GSK3B: variants seen among roughly 807,000 people sequenced by gnomAD.
GSK3B encodes glycogen synthase kinase-3 beta.
Under a neutral mutation model 56.4 loss-of-function variants are expected in GSK3B, and 15 were observed. The ratio of observed to expected loss-of-function variants is 0.27; its 90% CI spans 0.18 to 0.41. The LOEUF is 0.41. Ranked by LOEUF, GSK3B falls within the 10% of genes least tolerant of loss-of-function variation. GSK3B has a pLI of 1.00. For missense variants in GSK3B, 300 were observed against 513.4 expected (o/e 0.58, Z 4.02); for synonymous variants, 181 against 188.9 (o/e 0.96, Z 0.34).
chr3:120,000,472 G>A (rs2057664866), intron 2 of GSK3B, among the ~76,000 whole-genome samples: 1 of 152,178 alleles, frequency 6.6e-6, no homozygotes, highest in Non-Finnish European at 1.5e-5. Context: ...ATTTACAGCA[G>A]ATGGACACTA....
intron 1 of GSK3B, among the ~76,000 whole-genome samples, chr3:120,053,367 A>G (rs1162101831): frequency 6.6e-6 from 1 of 152,144 alleles, no homozygotes; most frequent in African/African-American, 2.4e-5. Flanking sequence ...TCTATCACAG[A>G]GTACACTTTA....
At chr3:119,909,199 C>T (rs541064678) in intron 6 of GSK3B, among the ~76,000 whole-genome samples, 1 of 152,108 alleles carries the variant, frequency 6.6e-6, no homozygotes, top group South Asian at 2.1e-4. Flanking sequence ...TTGGTAGTGA[C>T]AGGTTTTCAC....
At chr3:119,872,628 G>A (rs1357268684) in intron 8 of GSK3B, among the ~76,000 whole-genome samples, 1 of 152,064 alleles carries the variant, frequency 6.6e-6, no homozygotes. Context: ...ATGATATGAT[G>A]GTGGCCTAAA....
At chr3:120,038,864 T>G (rs1176797499) in intron 1 of GSK3B, among the ~76,000 whole-genome samples, 2 of 150,026 alleles carry the variant, frequency 1.3e-5, no homozygotes, top group Admixed American at 6.6e-5. Context: ...AATTAAAAAC[T>G]TCTGCTCTTT....
intron 9 of GSK3B, among the ~76,000 whole-genome samples, chr3:119,862,590 T>G (rs1430207463): frequency 6.7e-6 from 1 of 149,686 alleles, no homozygotes; most frequent in Non-Finnish European, 1.5e-5. Context: ...TCTTTCTTGG[T>G]CACATAAAAC....
chr3:119,958,001 T>A (rs1382780735), intron 2 of GSK3B, among the ~76,000 whole-genome samples: 3 of 152,004 alleles, frequency 2.0e-5, no homozygotes, highest in African/African-American at 7.2e-5. Flanking sequence ...CGAACTGTAA[T>A]CCCCACGTGC....
chr3:119,952,812 TA>T (rs991036383), intron 2 of GSK3B, among the ~76,000 whole-genome samples: 2 of 150,398 alleles, frequency 1.3e-5, no homozygotes, highest in Non-Finnish European at 3.0e-5. Flanking sequence ...TCCTCACACT[TA>T]AAAAAAAAGA....
In GSK3B at chr3:120,029,440, A is replaced by G. The variant is rs2057956904; in HGVS notation, c.89-27201T>C. ...TTATGTTTTGTGGAGCTTCGCCTCC[A>G]GCACAGTGAACATTCTGGATCAAGA... is the stretch of plus-strand genomic sequence containing the variant. On this transcript the variant is annotated intron_variant, in intron 1 of 10. Coordinates refer to ENST00000264235, the MANE Select transcript of GSK3B (RefSeq NM_001146156.2). The G allele has an allele frequency of 8.3e-6, 6 of 719,178 alleles. No individual in the cohort carries two copies. In the South Asian group the frequency reaches 8.5e-5, roughly 10 times the overall value. The allele number at this position is 719,178 out of a possible 1,614,324, so 44.5% of individuals were successfully genotyped here.
chr3:119,867,646 C>T (rs746134908), intron 8 of GSK3B, among the ~76,000 whole-genome samples: 2 of 151,940 alleles, frequency 1.3e-5, no homozygotes, highest in African/African-American at 2.4e-5. Flanking sequence ...ACAACGGAGC[C>T]AAATATGCAA....
chr3:119,850,214 G>A (rs562614511), intron 9 of GSK3B, among the ~76,000 whole-genome samples: 4 of 152,112 alleles, frequency 2.6e-5, no homozygotes, highest in South Asian at 4.2e-4. Context: ...CCAAAGACAC[G>A]GAGTGCGGGT....
chr3:119,835,831 C>T (rs2055682460), intron 10 of GSK3B, among the ~76,000 whole-genome samples: 1 of 152,136 alleles, frequency 6.6e-6, no homozygotes, highest in Admixed American at 6.5e-5. Flanking sequence ...TCCCAATGTA[C>T]ACTGTAAAAC....
chr3:119,950,309 G>A (rs897780510), intron 2 of GSK3B, among the ~76,000 whole-genome samples: 9 of 152,166 alleles, frequency 5.9e-5, no homozygotes, highest in Admixed American at 3.9e-4. Context: ...ACATAAGGAA[G>A]CCGGAGAAAA....
intron 7 of GSK3B, among the ~76,000 whole-genome samples, chr3:119,894,542 T>C (rs2056541420): frequency 6.6e-6 from 1 of 152,158 alleles, no homozygotes; most frequent in African/African-American, 2.4e-5. Flanking sequence ...TTACTGGCCA[T>C]TTGTGTATCT....
At chr3:119,978,376 T>C (rs2057428814) in intron 2 of GSK3B, among the ~76,000 whole-genome samples, 1 of 152,148 alleles carries the variant, frequency 6.6e-6, no homozygotes, top group South Asian at 2.1e-4. Flanking sequence ...AACCAATATA[T>C]ATTCTTAGTC....
At chr3:119,940,110 T>TG (rs572334273) in intron 3 of GSK3B, among the ~76,000 whole-genome samples, 233 of 149,050 alleles carry the variant, frequency 1.6e-3, no homozygotes, top group African/African-American at 4.6e-3. Context: ...GTGTGTGTGT[T>TG]TGTGTGTGTG....
At chr3:119,896,547 ACAT>A (rs143578933) in intron 7 of GSK3B, among the ~76,000 whole-genome samples, 13,879 of 152,244 alleles carry the variant, frequency 0.091, 775 homozygotes, top group Non-Finnish European at 0.12. Context: ...AATATCTTAT[ACAT>A]CAAATAAACA....
chr3:119,845,146 T>C (rs1419112372), intron 9 of GSK3B, among the ~76,000 whole-genome samples: 1 of 152,212 alleles, frequency 6.6e-6, no homozygotes, highest in Non-Finnish European at 1.5e-5. Flanking sequence ...AAACTAGGTA[T>C]TGATGGAACA....
intron 2 of GSK3B, among the ~76,000 whole-genome samples, chr3:119,974,888 A>G (rs1401687627): frequency 6.6e-6 from 1 of 152,180 alleles, no homozygotes; most frequent in African/African-American, 2.4e-5. Flanking sequence ...GGAATACGAA[A>G]TTATTTTACA....
chr3:119,969,128 C>G (rs1167736613), intron 2 of GSK3B, among the ~76,000 whole-genome samples: 1 of 151,978 alleles, frequency 6.6e-6, no homozygotes, highest in East Asian at 1.9e-4. Context: ...CCCGTTTCTA[C>G]TAAAAATACA....
Sources: allele counts gnomAD v4.1 joint callset (sites outside exome capture counted in the v4.1 genomes callset), GRCh38; gene constraint gnomAD v4.1.1; transcripts MANE v1.5; gene names NCBI Gene and HGNC (gene_info 2026-07-23, HGNC 2026-07-21).